MBNL1: variants seen among roughly 807,000 people sequenced by gnomAD.
MBNL1 encodes the protein muscleblind like splicing regulator 1.
Under a neutral mutation model 42.2 loss-of-function variants are expected in MBNL1, and 8 were observed. The ratio of observed to expected loss-of-function variants is 0.19; its 90% CI spans 0.11 to 0.34. The LOEUF (loss-of-function observed/expected upper bound fraction) is 0.34, where lower values mean the gene tolerates loss of function less well. Ranked by LOEUF, MBNL1 falls within the 10% of genes least tolerant of loss-of-function variation. The pLI is 1.00. For synonymous variants in MBNL1, 169 were observed against 173.9 expected (o/e 0.97, Z 0.22); for missense variants, 309 against 495.3 (o/e 0.62, Z 3.57).
chr3:152,394,306 G>A (rs768277786), intron 2 of MBNL1, among the ~76,000 whole-genome samples: 1 of 152,228 alleles, frequency 6.6e-6, no homozygotes, highest in Non-Finnish European at 1.5e-5. Flanking sequence ...TATACAGTGA[G>A]AAGAGTCTTT....
Position 152,407,073 on chromosome 3 carries a change from T to TG in MBNL1, c.175-7868_175-7867insG, listed in dbSNP as rs57861310. Among the ~76,000 whole-genome samples, 1,365 of 149,016 alleles carry TG rather than the reference T, an allele frequency of 9.2e-3. 21 individuals are homozygous for TG. Among genetic ancestry groups the TG allele is most frequent in the African/African-American group, 0.032 (1,289 of 40,442 alleles). ...TGTGTGTGTGTGTGTGTGTGTGTGT[T>TG]TGTGTGAACTTTTCACAGGACCAGG... On this transcript the variant is annotated intron_variant, in intron 2 of 9. Coordinates refer to ENST00000324210, the MANE Select transcript of MBNL1 (RefSeq NM_021038.5).
intron 2 of MBNL1, among the ~76,000 whole-genome samples, chr3:152,368,393 A>T (rs1471557050): frequency 1.3e-5 from 2 of 152,164 alleles, no homozygotes; most frequent in Non-Finnish European, 2.9e-5. Context: ...TAGCAGTACC[A>T]TGCTGTTTTG....
chr3:152,351,734 T>A (rs1431303544), intron 2 of MBNL1, among the ~76,000 whole-genome samples: 3 of 152,202 alleles, frequency 2.0e-5, no homozygotes, highest in Admixed American at 1.3e-4. Flanking sequence ...GCTGTAGTTG[T>A]GTCATCTGTA....
At chr3:152,385,276 A>G (rs1468650967) in intron 2 of MBNL1, among the ~76,000 whole-genome samples, 2 of 152,044 alleles carry the variant, frequency 1.3e-5, no homozygotes, top group Non-Finnish European at 2.9e-5. Flanking sequence ...TCCTTAAGTA[A>G]ATAAGGTACT....
chr3:152,298,200 A>G (rs928774605), intron 1 of MBNL1, among the ~76,000 whole-genome samples: 2 of 152,224 alleles, frequency 1.3e-5, no homozygotes, highest in African/African-American at 4.8e-5. Flanking sequence ...ATCATCAAAT[A>G]CTAGTTATCA....
chr3:152,303,907 T>C (rs11927851), intron 2 of MBNL1, among the ~76,000 whole-genome samples: 4 of 152,272 alleles, frequency 2.6e-5, no homozygotes, highest in Admixed American at 2.6e-4. Flanking sequence ...AAAACTTTAG[T>C]CACTTGTTCC....
chr3:152,418,684 G>A lies in MBNL1; in HGVS notation c.345+3573G>A, dbSNP rs529048026. The stretch of plus-strand genomic sequence containing the variant: ...TTCCTCAACAAATGGTGAAAAGTTT[G>A]GAATATATTACCTACAAGGTCTTAA... On this transcript the variant is annotated intron_variant, in intron 3 of 9. Coordinates refer to ENST00000324210, the MANE Select transcript of MBNL1 (RefSeq NM_021038.5). Among the ~76,000 whole-genome samples the A allele has an allele frequency of 4.0e-5, 6 of 148,246 alleles. No homozygotes were observed. In the South Asian group the frequency reaches 1.3e-3, roughly 32 times the overall value.
rs895939586 is a variant in MBNL1, at chr3:152,371,783, G to A, written c.175-43158G>A. On this transcript the variant is annotated intron_variant, in intron 2 of 9. Transcript: ENST00000324210. ...GAATCTGATGATTACGTGTCTTGGGGCTGCTCTTCTCGAGAAGTATCTTTG... is the reference window on the plus strand; with the variant it reads ...GAATCTGATGATTACGTGTCTTGGGACTGCTCTTCTCGAGAAGTATCTTTG... 5.9e-5 allele frequency among the ~76,000 whole-genome samples: 9 copies of A among 152,106 alleles called. No homozygotes were observed. In the South Asian group the frequency reaches 1.7e-3, roughly 28 times the overall value.
rs532856896 is a variant in MBNL1 at position 152,389,473 on chromosome 3, A to G, written c.175-25468A>G. On this transcript the variant is annotated intron_variant, in intron 2 of 9. Transcript: ENST00000324210. Reference sequence around the variant, plus strand: ...GTGATTTTGTCATTATGTAAACATCATAGAGTATACGTGCACACACCTGGA... The same window carrying G: ...GTGATTTTGTCATTATGTAAACATCGTAGAGTATACGTGCACACACCTGGA... 7.2e-5 allele frequency among the ~76,000 whole-genome samples: 11 copies of G among 152,298 alleles called. No homozygotes were observed. The South Asian group carries it at 2.3e-3, about 32-fold the overall frequency.
chr3:152,340,614 C>A, intron 2 of MBNL1: 1 of 1,613,974 alleles, frequency 6.2e-7, no homozygotes, highest in Non-Finnish European at 8.5e-7. Flanking sequence ...AAACTATCAG[C>A]AGGCACCTGC....
chr3:152,358,400 A>G (rs1454775851), intron 2 of MBNL1, among the ~76,000 whole-genome samples: 1 of 152,190 alleles, frequency 6.6e-6, no homozygotes, highest in Non-Finnish European at 1.5e-5. Context: ...TAGTCCTGGT[A>G]TGTGAGAGAA....
intron 2 of MBNL1, among the ~76,000 whole-genome samples, chr3:152,343,430 C>G (rs1460659503): frequency 6.6e-6 from 1 of 152,138 alleles, no homozygotes; most frequent in Non-Finnish European, 1.5e-5. Context: ...TTACTAGATT[C>G]TGAACACCTT....
At chr3:152,364,933 C>T (rs1026785222) in intron 2 of MBNL1, among the ~76,000 whole-genome samples, 2 of 151,798 alleles carry the variant, frequency 1.3e-5, no homozygotes, top group African/African-American at 2.4e-5. Flanking sequence ...GATGTACTAG[C>T]AGCTGCATGA....
chr3:152,311,571 A>G (rs1159773378), intron 2 of MBNL1, among the ~76,000 whole-genome samples: 1 of 152,132 alleles, frequency 6.6e-6, no homozygotes, highest in African/African-American at 2.4e-5. Flanking sequence ...CTAAAATTTC[A>G]GTAGTTTATT....
At chr3:152,338,448 C>T (rs2091961255) in intron 2 of MBNL1, 1 of 985,264 alleles carries the variant, frequency 1.0e-6, no homozygotes, top group African/African-American at 1.7e-5. Context: ...TACCATGTTG[C>T]CCTCTACACT....
chr3:152,303,284 G>A (rs1394356564), intron 2 of MBNL1, among the ~76,000 whole-genome samples: 2 of 152,130 alleles, frequency 1.3e-5, no homozygotes, highest in African/African-American at 4.8e-5. Context: ...GAATTAGAAC[G>A]AGAACAGTAA....
At chr3:152,380,140 T>C (rs2097120129) in intron 2 of MBNL1, among the ~76,000 whole-genome samples, 1 of 152,118 alleles carries the variant, frequency 6.6e-6, no homozygotes, top group African/African-American at 2.4e-5. Context: ...CACTTACTGT[T>C]AGGTTCTCTG....
chr3:152,355,401 T>C (rs1336274057), intron 2 of MBNL1, among the ~76,000 whole-genome samples: 1 of 152,230 alleles, frequency 6.6e-6, no homozygotes, highest in African/African-American at 2.4e-5. Flanking sequence ...CATACATAAA[T>C]TTTACACAAA....
At chr3:152,252,871 C>A (rs767368940) in intron 2 of MBNL1, among the ~76,000 whole-genome samples, 28 of 151,912 alleles carry the variant, frequency 1.8e-4, no homozygotes, top group Admixed American at 7.9e-4. Context: ...GTATTCCTGC[C>A]CCCAGTACTT....
Sources: gnomAD v4.1 joint callset for allele counts (sites outside exome capture counted in the v4.1 genomes callset) on GRCh38, gnomAD v4.1.1 for gene constraint, MANE v1.5 for transcripts, NCBI Gene and HGNC (gene_info 2026-07-23, HGNC 2026-07-21) for gene names.